Variants in LAMA2 observed in about 807,000 individuals in gnomAD.
The protein encoded by LAMA2 is laminin subunit alpha 2.
In LAMA2, 269 loss-of-function variants were observed where a neutral mutation model predicts 364.8. The observed-to-expected ratio is 0.74, with a 90% CI of 0.67 to 0.82. The LOEUF (loss-of-function observed/expected upper bound fraction) is 0.82, where lower values mean the gene tolerates loss of function less well. Ranked by LOEUF, LAMA2 falls within the 40% of genes least tolerant of loss-of-function variation. The pLI, the probability that LAMA2 is intolerant of heterozygous loss-of-function variation, is 0.00. For synonymous variants in LAMA2, 1,379 were observed against 1,370.6 expected, an observed-to-expected ratio of 1.01 and a Z score of -0.14; for missense variants, 3,807 against 3,873.2, an observed-to-expected ratio of 0.98 and a Z score of 0.45.
intron 3 of LAMA2, among the ~76,000 whole-genome samples, chr6:129,090,232 C>G (rs1005445864): frequency 1.3e-5 from 2 of 152,052 alleles, no homozygotes; most frequent in African/African-American, 2.4e-5. Context: ...AACTCAGGAC[C>G]CCTCTTGTAT....
intron 12 of LAMA2, among the ~76,000 whole-genome samples, chr6:129,228,735 G>A (rs1194697531): frequency 2.0e-5 from 3 of 152,034 alleles, no homozygotes; most frequent in East Asian, 1.9e-4. Flanking sequence ...AGTAAATGTA[G>A]GCATAAGAAA....
At chr6:128,991,520 T>C (rs1783612601) in intron 1 of LAMA2, among the ~76,000 whole-genome samples, 1 of 152,228 alleles carries the variant, frequency 6.6e-6, no homozygotes, top group African/African-American at 2.4e-5. Context: ...TTTAGAATTC[T>C]TTACACTAAA....
At chr6:129,111,742 G>A (rs995777760) in intron 4 of LAMA2, among the ~76,000 whole-genome samples, 3 of 151,934 alleles carry the variant, frequency 2.0e-5, no homozygotes, top group Non-Finnish European at 4.4e-5. Flanking sequence ...TTTTGTGAAG[G>A]CCTTTTCTTT....
intron 1 of LAMA2, among the ~76,000 whole-genome samples, chr6:128,916,674 T>C (rs925403054): frequency 6.6e-6 from 1 of 152,318 alleles, no homozygotes; most frequent in East Asian, 1.9e-4. Flanking sequence ...TCAGTGTTGA[T>C]GTGGAGAAGC....
chr6:128,885,722 T>C (rs911621930), intron 1 of LAMA2, among the ~76,000 whole-genome samples: 2 of 152,206 alleles, frequency 1.3e-5, no homozygotes, highest in Non-Finnish European at 2.9e-5. Context: ...TTGACATGAA[T>C]CAACCATTTT....
intron 1 of LAMA2, among the ~76,000 whole-genome samples, chr6:128,965,186 C>A (rs932112529): frequency 6.6e-6 from 1 of 151,802 alleles, no homozygotes; most frequent in African/African-American, 2.4e-5. Context: ...TGGTAAATAG[C>A]AATTGGAAAG....
At chr6:129,374,619 C>T (rs1414304505) in intron 34 of LAMA2, among the ~76,000 whole-genome samples, 11 of 150,950 alleles carry the variant, frequency 7.3e-5, no homozygotes, top group South Asian at 2.1e-4. Flanking sequence ...CCCTTGTTGT[C>T]CAGGCTGGAG....
chr6:129,127,169 C>A (rs537781839), intron 4 of LAMA2, among the ~76,000 whole-genome samples: 1 of 152,288 alleles, frequency 6.6e-6, no homozygotes, highest in African/African-American at 2.4e-5. Context: ...CCATGCTGTG[C>A]ACTAAAAGTA....
chr6:129,224,700 G>C (rs566962925), intron 12 of LAMA2, among the ~76,000 whole-genome samples: 6 of 152,298 alleles, frequency 3.9e-5, no homozygotes, highest in Non-Finnish European at 7.3e-5. Context: ...GATCGTGGTG[G>C]ATAAGCTTTT....
chr6:128,979,545 C>A (rs1281851970), intron 1 of LAMA2, among the ~76,000 whole-genome samples: 1 of 152,158 alleles, frequency 6.6e-6, no homozygotes, highest in Non-Finnish European at 1.5e-5. Context: ...GAAAGGAGTG[C>A]TAAGAAAATG....
At chr6:129,464,930 A>G (rs1354234435) in intron 50 of LAMA2, among the ~76,000 whole-genome samples, 2 of 152,042 alleles carry the variant, frequency 1.3e-5, no homozygotes, top group Non-Finnish European at 2.9e-5. Flanking sequence ...GATATGTCTT[A>G]GAAATTTTGT....
chr6:128,895,469 A>G (rs908474255), intron 1 of LAMA2, among the ~76,000 whole-genome samples: 2 of 87,592 alleles, frequency 2.3e-5, no homozygotes, highest in Middle Eastern at 6.6e-3. Flanking sequence ...TGTCTCTACT[A>G]AAAAAAAAAA....
intron 37 of LAMA2, among the ~76,000 whole-genome samples, chr6:129,395,371 A>G (rs943504459): frequency 2.6e-5 from 4 of 152,190 alleles, no homozygotes; most frequent in African/African-American, 4.8e-5. Flanking sequence ...TCAAGCCTCT[A>G]ATTCATTCAG....
intron 12 of LAMA2, among the ~76,000 whole-genome samples, chr6:129,221,996 A>G (rs1783885564): frequency 6.6e-6 from 1 of 152,240 alleles, no homozygotes; most frequent in Non-Finnish European, 1.5e-5. Flanking sequence ...GAGCAAACAT[A>G]TATTTGCTGA....
Position 129,401,311 on chromosome 6 carries a change from C to T in LAMA2, c.5533C>T (p.Leu1845Phe). The change falls in exon 38 of 65, where the codon CTT becomes TTT. Residue 1845 changes from leucine (L) to phenylalanine (F), a missense_variant. Physicochemically the swap from Leu to Phe is conservative, Grantham distance 22. This residue lies in a region of LAMA2 where 3,333 missense variants were observed against 3,345.7 expected (regional missense o/e 1.00). Transcript: ENST00000421865. ...TGACATACTCGATGAAGCCAACCGTCTTGCAGATGAAATCAACTCCATCAT... is the reference window on the plus strand; with the variant it reads ...TGACATACTCGATGAAGCCAACCGTTTTGCAGATGAAATCAACTCCATCAT... ...GNDILDEANRLADEINSIIDY... is the reference protein window; with the variant it reads ...GNDILDEANRFADEINSIIDY... The T allele has an allele frequency of 6.2e-7, 1 of 1,610,554 alleles. No individual in the cohort carries two copies.
chr6:129,480,942 T>A (rs1784313920), intron 54 of LAMA2, among the ~76,000 whole-genome samples: 1 of 147,448 alleles, frequency 6.8e-6, no homozygotes. Context: ...CAGTTTGACT[T>A]AAATCTTTGG....
rs530845884 is a variant in LAMA2 at position 129,293,519 on chromosome 6, A to G, written c.2856+1799A>G. 3.3e-5 allele frequency among the ~76,000 whole-genome samples: 5 copies of G among 152,362 alleles called. No individual in the cohort carries two copies. The East Asian group carries it at 5.8e-4, about 18-fold the overall frequency. Reference sequence around the variant, plus strand: ...AAGAATTTTGTTAATTTCCACATCAATTGTGCTTATGTGTACAACAAATGC... The same window carrying G: ...AAGAATTTTGTTAATTTCCACATCAGTTGTGCTTATGTGTACAACAAATGC... On this transcript the variant is annotated intron_variant, in intron 20 of 64. Transcript: ENST00000421865.
chr6:129,095,502 T>C (rs758233701), intron 3 of LAMA2, among the ~76,000 whole-genome samples: 26 of 152,164 alleles, frequency 1.7e-4, no homozygotes, highest in Non-Finnish European at 3.4e-4. Flanking sequence ...ATTTTCACAT[T>C]GAAAATAAGT....
chr6:129,053,268 T>G (rs940323998), intron 2 of LAMA2, among the ~76,000 whole-genome samples: 1 of 152,150 alleles, frequency 6.6e-6, no homozygotes, highest in Non-Finnish European at 1.5e-5. Context: ...TTTCTCCATG[T>G]TGGTTAGGCT....
Sources: allele counts gnomAD v4.1 joint callset (sites outside exome capture counted in the v4.1 genomes callset), GRCh38; gene constraint gnomAD v4.1.1; regional missense constraint gnomAD v4.1.1; transcripts MANE v1.5; gene names NCBI Gene and HGNC (gene_info 2026-07-23, HGNC 2026-07-21).